SFTPB: variants seen among roughly 807,000 people sequenced by gnomAD.
SFTPB encodes surfactant protein B.
In SFTPB, 32 loss-of-function variants were observed where a neutral mutation model predicts 51.0. The observed-to-expected ratio is 0.63, with a 90% CI of 0.47 to 0.84. The LOEUF is 0.84. Ranked by LOEUF, SFTPB falls within the 40% of genes least tolerant of loss-of-function variation. SFTPB has a pLI of 0.00. For synonymous variants in SFTPB, 211 were observed against 208.5 expected (o/e 1.01, Z -0.10); for missense variants, 431 against 491.2 (o/e 0.88, Z 1.16).
At position 85,661,865 on chromosome 2, in the gene SFTPB, T is replaced by C. The variant is rs531159967; in HGVS notation, c.1083+164A>G. ...ATCCCCCTTTTCCATGCTCTCATGA[T>C]TTTTTACACTGAAACAGAGAGGGGT... On this transcript the variant is annotated intron_variant, in intron 9 of 10. Transcript: ENST00000519937. Among the ~76,000 whole-genome samples, 7 of 152,240 alleles carry C rather than the reference T, an allele frequency of 4.6e-5. No homozygotes were observed. The South Asian group carries it at 6.2e-4, about 14-fold the overall frequency.
At chr2:85,666,510 TG>T in intron 4 of SFTPB, 106 bp downstream of exon 4, 1 of 1,120,204 alleles carries the variant, frequency 8.9e-7, no homozygotes, top group Non-Finnish European at 1.3e-6. Flanking sequence ...TGTGTGTGTG[TG>T]TGTGTGTGTG....
Position 85,668,118 on chromosome 2 carries a change from A to AGTGCCT in SFTPB, c.60_65dup (p.Gly21_Thr22dup). On this transcript the variant is annotated inframe_insertion and splice_region_variant, in exon 1 of 11. Transcript: ENST00000519937. ...GAGGGGAGGCTGGGGGAGACTCACCAGTGCCTGGGCCACAGAGCGTGGGCA... is the reference window on the plus strand; with the variant it reads ...GAGGGGAGGCTGGGGGAGACTCACCAGTGCCTGTGCCTGGGCCACAGAGCGTGGGCA... 6.4e-7 allele frequency: 1 copy of AGTGCCT among 1,550,866 alleles called. No individual in the cohort carries two copies. Among genetic ancestry groups the AGTGCCT allele is most frequent in the Non-Finnish European group, 8.7e-7 (1 of 1,146,332 alleles).
In SFTPB at chr2:85,663,825, G is replaced by A. The variant is rs766325255; in HGVS notation, c.695C>T (p.Ala232Val). 2.5e-6 allele frequency: 4 copies of A among 1,593,664 alleles called. No individual in the cohort carries two copies. Among genetic ancestry groups the A allele is most frequent in the Non-Finnish European group, 3.4e-6 (4 of 1,172,760 alleles). The change falls in exon 7 of 11, where the codon GCC (alanine) becomes GTC (valine). Residue 232 changes from alanine to valine, a missense_variant. Coordinates refer to ENST00000519937, the MANE Select transcript of SFTPB (RefSeq NM_000542.5). ...CAGAGGTACCACGCGGCACACCTGGGCCACTGCCACAGCTAGCGCACCCTG... is the reference window on the plus strand; with the variant it reads ...CAGAGGTACCACGCGGCACACCTGGACCACTGCCACAGCTAGCGCACCCTG... ...IPKGALAVAV[A>V]QVCRVVPLVA...
chr2:85,668,216 G>T (rs1262702197), upstream of SFTPB: 3 of 1,548,574 alleles, frequency 1.9e-6, no homozygotes, highest in East Asian at 4.9e-5. Context: ...CCTGCTTGGT[G>T]CATGGCCCCT....
intron 6 of SFTPB, 96 bp from the exon 7 acceptor site, chr2:85,663,943 C>G: frequency 8.5e-7 from 1 of 1,175,058 alleles, no homozygotes; most frequent in South Asian, 1.4e-5. Flanking sequence ...TACGCATTCC[C>G]TCATTCTCTT....
At position 85,666,476 on chromosome 2, in the gene SFTPB, T is replaced by C. The variant is rs552077953; in HGVS notation, c.393+141A>G. On this transcript the variant is annotated intron_variant, in intron 4 of 10. Transcript: ENST00000519937. ...CTGGCTGGGGTGCTGTGTGTTTGTGTCTGGCCGGCTTGGGTGCTGTGTGTG... is the reference window on the plus strand; with the variant it reads ...CTGGCTGGGGTGCTGTGTGTTTGTGCCTGGCCGGCTTGGGTGCTGTGTGTG... 3.7e-6 allele frequency: 3 copies of C among 811,332 alleles called. No homozygotes were observed. In the African/African-American group the frequency reaches 5.4e-5, roughly 15 times the overall value. 50.3% of individuals were successfully genotyped at this position (811,332 alleles called of 1,614,324 possible). A position where few individuals can be genotyped will look rare whatever the true frequency, so the allele number is the denominator to read the frequency against.
intron 8 of SFTPB, 36 bp downstream of exon 8, chr2:85,663,310 G>A: frequency 6.2e-7 from 1 of 1,604,926 alleles, no homozygotes. Flanking sequence ...CCTTGAACGG[G>A]CCCTGACCAT....
intron 5 of SFTPB, 102 bp downstream of exon 5, chr2:85,665,504 C>T (rs1030347631): frequency 7.0e-5 from 104 of 1,482,652 alleles, no homozygotes; most frequent in Non-Finnish European, 1.9e-5. Context: ...CTTCCTATCA[C>T]CTTCCCGGCT....
chr2:85,659,834 C>T (rs1284786550), intron 10 of SFTPB, among the ~76,000 whole-genome samples, 152 bp from the exon 11 acceptor site: 1 of 152,214 alleles, frequency 6.6e-6, no homozygotes, highest in African/African-American at 2.4e-5. Context: ...GCCCTAGGAG[C>T]TGGGGAAAGG....
chr2:85,663,916 C>G, intron 6 of SFTPB, 69 bp from the exon 7 acceptor site: 1 of 1,411,834 alleles, frequency 7.1e-7, no homozygotes, highest in East Asian at 2.5e-5. Context: ...CTGCCCAGCA[C>G]CCAGCTGGGC....
chr2:85,666,505 G>A (rs549206350), intron 4 of SFTPB, 112 bp downstream of exon 4: 21 of 1,079,804 alleles, frequency 1.9e-5, no homozygotes, highest in Admixed American at 1.4e-4. Context: ...GTGTGTGTGT[G>A]TGTGTGTGTG....
At chr2:85,661,432 G>C (rs371367742) in intron 10 of SFTPB, 22 bp downstream of exon 10, 19 of 1,558,066 alleles carry the variant, frequency 1.2e-5, no homozygotes, top group Non-Finnish European at 1.7e-5. Flanking sequence ...TTACCTCCCC[G>C]CAACTGGGGG....
chr2:85,663,559 C>A, intron 7 of SFTPB, 68 bp from the exon 8 acceptor site: 1 of 1,601,172 alleles, frequency 6.2e-7, no homozygotes, highest in South Asian at 1.1e-5. Flanking sequence ...TTTCTGTCCT[C>A]CTTGGTGCAT....
At chr2:85,664,134 C>A (rs966719677) in intron 6 of SFTPB, among the ~76,000 whole-genome samples, 1 of 152,192 alleles carries the variant, frequency 6.6e-6, no homozygotes, top group Non-Finnish European at 1.5e-5. Flanking sequence ...CTGACCTTCC[C>A]CCAATGCTTG....
intron 1 of SFTPB, 125 bp from the exon 2 acceptor site, chr2:85,667,931 A>G: frequency 7.0e-7 from 1 of 1,427,828 alleles, no homozygotes; most frequent in Non-Finnish European, 9.6e-7. Flanking sequence ...TGGACGTCAG[A>G]CAGCTCTGGG....
intron 7 of SFTPB, 82 bp from the exon 8 acceptor site, chr2:85,663,573 A>C: frequency 6.3e-7 from 1 of 1,596,864 alleles, no homozygotes; most frequent in South Asian, 1.1e-5. Flanking sequence ...GGTGCATTGC[A>C]GTGGGACCAC....
At position 85,663,509 on chromosome 2, in the gene SFTPB, A is replaced by G. The variant is rs770127815; in HGVS notation, c.857-18T>C. On this transcript the variant is annotated intron_variant, in intron 7 of 10. Transcript: ENST00000519937. ...CGGCGACCCTGGAGATGTGAGCATT[A>G]GGGGGAAAGCAGGCAAGGCCACCCT... 1 of 1,612,886 alleles carries G rather than the reference A, an allele frequency of 6.2e-7. No individual in the cohort carries two copies.
rs1677130387 is a variant in SFTPB at position 85,658,049 on chromosome 2, ACTT to A, written c.*1650_*1652del. ...GTTAAGGCAGGAACTGGCTATTTTC[ACTT>A]CTTTTGTGGATCTTCAGTTGCTTCA... On this transcript the variant is annotated 3_prime_UTR_variant, in exon 11 of 11. Transcript: ENST00000519937. The A allele has an allele frequency of 6.6e-6, 1 of 151,894 alleles. No individual in the cohort carries two copies. Among genetic ancestry groups the A allele is most frequent in the South Asian group, 2.1e-4 (1 of 4,832 alleles). 9.4% of individuals were successfully genotyped at this position (151,894 alleles called of 1,614,324 possible). A position where few individuals can be genotyped will look rare whatever the true frequency, so the allele number is the denominator to read the frequency against.
intron 6 of SFTPB, among the ~76,000 whole-genome samples, chr2:85,664,928 T>A (rs1448193660): frequency 6.6e-6 from 1 of 152,238 alleles, no homozygotes; most frequent in African/African-American, 2.4e-5. Flanking sequence ...AATTCCCCTC[T>A]TGAAAGATCA....
Sources: gnomAD v4.1 joint callset for allele counts (sites outside exome capture counted in the v4.1 genomes callset) on GRCh38, gnomAD v4.1.1 for gene constraint, MANE v1.5 for transcripts, NCBI Gene and HGNC (gene_info 2026-07-23, HGNC 2026-07-21) for gene names.